CRPPA: variants seen among roughly 807,000 people sequenced by gnomAD.
CRPPA encodes the protein CDP-L-ribitol pyrophosphorylase A.
In CRPPA, 43 loss-of-function variants were observed where a neutral mutation model predicts 52.0. That is an observed-to-expected ratio of 0.83 (90% confidence interval 0.65 to 1.07). The LOEUF (loss-of-function observed/expected upper bound fraction) is 1.07, where lower values mean the gene tolerates loss of function less well. Among genes scored for constraint, CRPPA ranks in the 50% least tolerant of loss-of-function variants. CRPPA has a pLI of 0.00. For synonymous variants in CRPPA, 250 were observed against 203.5 expected, an observed-to-expected ratio of 1.23 and a Z score of -1.94; for missense variants, 629 against 551.7, an observed-to-expected ratio of 1.14 and a Z score of -1.40.
intron 8 of CRPPA, among the ~76,000 whole-genome samples, chr7:16,225,702 C>G (rs1782630619): frequency 6.6e-6 from 1 of 151,804 alleles, no homozygotes; most frequent in Non-Finnish European, 1.5e-5. Context: ...AGGTTCTCTG[C>G]AGGCCATGTA....
At chr7:16,261,231 G>C (rs141105254) in intron 6 of CRPPA, among the ~76,000 whole-genome samples, 2,010 of 152,174 alleles carry the variant, frequency 0.013, 21 homozygotes, top group Middle Eastern at 0.031. Context: ...CTAAATTTTA[G>C]ATAATTCATT....
intron 1 of CRPPA, among the ~76,000 whole-genome samples, chr7:16,409,073 T>C (rs1294224226): frequency 1.3e-5 from 2 of 152,202 alleles, no homozygotes; most frequent in African/African-American, 2.4e-5. Flanking sequence ...AGCTAATTTT[T>C]GTATTTTTAG....
chr7:16,277,603 TAA>T (rs975678430), intron 6 of CRPPA, among the ~76,000 whole-genome samples: 21 of 152,276 alleles, frequency 1.4e-4, no homozygotes, highest in Admixed American at 1.1e-3. Flanking sequence ...GGTAAAATTA[TAA>T]AGAGTTCCTA....
chr7:16,091,196 C>T lies in CRPPA; in HGVS notation c.*499G>A, dbSNP rs1290644510. ...TTCCGTTCCCTGGTATCCCACTCAC[C>T]CTTTTTTATTAAAGTGTAGACATTT... On this transcript the variant is annotated 3_prime_UTR_variant, in exon 10 of 10. Coordinates refer to ENST00000407010, the MANE Select transcript of CRPPA (RefSeq NM_001101426.4). 1.3e-5 allele frequency: 2 copies of T among 152,694 alleles called. No individual in the cohort carries two copies. The highest frequency in any genetic ancestry group is 6.5e-5 in the Admixed American group (1 of 15,274). 9.5% of individuals were successfully genotyped at this position (152,694 alleles called of 1,614,324 possible). A position where few individuals can be genotyped will look rare whatever the true frequency, so the allele number is the denominator to read the frequency against.
In CRPPA at chr7:16,189,824, C is replaced by A. The variant is rs376439165; in HGVS notation, c.1251+26242G>T. On this transcript the variant is annotated intron_variant, in intron 9 of 9. Coordinates refer to ENST00000407010, the MANE Select transcript of CRPPA (RefSeq NM_001101426.4). Reference sequence around the variant, plus strand: ...ATAGAATACAGACCACACAGAGAATCCCAGGTGAAAATATCCAAGGTAAAT... The same window carrying A: ...ATAGAATACAGACCACACAGAGAATACCAGGTGAAAATATCCAAGGTAAAT... Among the ~76,000 whole-genome samples, 76 of 152,214 alleles carry A rather than the reference C, an allele frequency of 5.0e-4. 1 individual carries two copies. The highest frequency in any genetic ancestry group is 1.7e-3 in the African/African-American group (72 of 41,550).
chr7:16,407,591 A>G (rs995846341), intron 1 of CRPPA, among the ~76,000 whole-genome samples: 3 of 151,940 alleles, frequency 2.0e-5, no homozygotes, highest in Admixed American at 6.5e-5. Flanking sequence ...ATTACTGCAT[A>G]AAGATTACCT....
intron 2 of CRPPA, among the ~76,000 whole-genome samples, chr7:16,379,279 T>A (rs1382291065): frequency 6.6e-6 from 1 of 152,232 alleles, no homozygotes; most frequent in African/African-American, 2.4e-5. Flanking sequence ...TGAATTAATT[T>A]GTCAAAGATC....
chr7:16,193,090 C>T (rs79962260), intron 9 of CRPPA, among the ~76,000 whole-genome samples: 3,934 of 152,140 alleles, frequency 0.026, 120 homozygotes, highest in East Asian at 0.14. Context: ...AAATAAATGC[C>T]TGTTGGCATT....
chr7:16,386,640 G>A (rs1460871699), intron 2 of CRPPA, among the ~76,000 whole-genome samples: 6 of 152,156 alleles, frequency 3.9e-5, no homozygotes, highest in African/African-American at 9.7e-5. Flanking sequence ...CTGGATTAAG[G>A]AAATGACACC....
chr7:16,321,948 G>GA (rs989369301), intron 3 of CRPPA, among the ~76,000 whole-genome samples: 5 of 151,988 alleles, frequency 3.3e-5, no homozygotes, highest in African/African-American at 1.2e-4. Flanking sequence ...CACTGTAAAA[G>GA]AAAAAACAAA....
intron 9 of CRPPA, among the ~76,000 whole-genome samples, chr7:16,154,702 C>G (rs1345259308): frequency 3.3e-5 from 5 of 151,938 alleles, no homozygotes; most frequent in African/African-American, 1.2e-4. Flanking sequence ...AAACATGAGT[C>G]TTTCCAATAG....
intron 1 of CRPPA, among the ~76,000 whole-genome samples, chr7:16,420,423 C>T (rs925293364): frequency 9.2e-5 from 14 of 152,168 alleles, no homozygotes; most frequent in Non-Finnish European, 1.8e-4. Context: ...CACGACTGTT[C>T]CCCTAGTCCT....
At chr7:16,110,716 A>G (rs1306202939) in intron 9 of CRPPA, among the ~76,000 whole-genome samples, 1 of 152,156 alleles carries the variant, frequency 6.6e-6, no homozygotes, top group Non-Finnish European at 1.5e-5. Context: ...TTTTCAATAA[A>G]TGGTGCTGGG....
chr7:16,249,933 C>T (rs371125337), intron 8 of CRPPA, among the ~76,000 whole-genome samples: 4 of 152,222 alleles, frequency 2.6e-5, no homozygotes, highest in East Asian at 3.9e-4. Context: ...CAAACTCCTC[C>T]GAGCTAAGGG....
At chr7:16,386,924 GC>G (rs1334917782) in intron 2 of CRPPA, among the ~76,000 whole-genome samples, 1 of 151,646 alleles carries the variant, frequency 6.6e-6, no homozygotes, top group Non-Finnish European at 1.5e-5. Flanking sequence ...GAAGGGTGAG[GC>G]AGGAGAATCA....
intron 9 of CRPPA, among the ~76,000 whole-genome samples, chr7:16,128,008 A>C (rs1345310360): frequency 6.6e-6 from 1 of 152,198 alleles, no homozygotes; most frequent in Non-Finnish European, 1.5e-5. Flanking sequence ...AATAAATTTT[A>C]GTGTTCTCAA....
In CRPPA at chr7:16,286,097, A is replaced by AAAAATATATAT; in HGVS notation, c.836-7872_836-7871insATATATATTTT. On this transcript the variant is annotated intron_variant, in intron 5 of 9. Coordinates refer to ENST00000407010, the MANE Select transcript of CRPPA (RefSeq NM_001101426.4). ...TATATATATAATATTTAAAAAAAAA[A>AAAAATATATAT]ATATATATATATATATATATGCCAA... is the stretch of plus-strand genomic sequence containing the variant. Among the ~76,000 whole-genome samples the AAAAATATATAT allele has an allele frequency of 2.2e-3, 85 of 39,114 alleles. 8 individuals carry two copies. The highest frequency in any genetic ancestry group is 0.059 in the Middle Eastern group (2 of 34). The allele number at this position is 39,114 out of a possible 152,430, so 25.7% of individuals were successfully genotyped here.
At chr7:16,285,361 G>A (rs973007348) in intron 5 of CRPPA, among the ~76,000 whole-genome samples, 5 of 151,972 alleles carry the variant, frequency 3.3e-5, no homozygotes, top group South Asian at 2.1e-4. Context: ...ACTGATATTA[G>A]ACTGATATTA....
intron 6 of CRPPA, among the ~76,000 whole-genome samples, chr7:16,271,102 T>A (rs960024712): frequency 6.6e-6 from 1 of 152,096 alleles, no homozygotes; most frequent in Non-Finnish European, 1.5e-5. Flanking sequence ...CATTTGTGAT[T>A]ACTCAAAACA....
Sources: gnomAD v4.1 joint callset for allele counts (sites outside exome capture counted in the v4.1 genomes callset) on GRCh38, gnomAD v4.1.1 for gene constraint, MANE v1.5 for transcripts, NCBI Gene and HGNC (gene_info 2026-07-23, HGNC 2026-07-21) for gene names.